The following ITGAM variants were observed in gnomAD, a reference collection of about 807,000 sequenced individuals.
The protein encoded by ITGAM is integrin subunit alpha M.
In ITGAM, 79 loss-of-function variants were observed where a neutral mutation model predicts 137.5. The observed-to-expected ratio is 0.57, with a 90% CI of 0.48 to 0.69. ITGAM has a LOEUF of 0.69. Among genes scored for constraint, ITGAM ranks in the 30% least tolerant of loss-of-function variants. The pLI is 0.00. For synonymous variants in ITGAM, 583 were observed against 592.3 expected (o/e 0.98, Z 0.23); for missense variants, 1,343 against 1,483.5 (o/e 0.91, Z 1.56).
chr16:31,326,533 C>G (rs1176814261), intron 21 of ITGAM, among the ~76,000 whole-genome samples: 1 of 152,164 alleles, frequency 6.6e-6, no homozygotes, highest in Non-Finnish European at 1.5e-5. Context: ...TCTTGTGCCT[C>G]ACTCTCCCAA....
At chr16:31,291,890 A>G (rs2043718803) in intron 12 of ITGAM, among the ~76,000 whole-genome samples, 1 of 152,106 alleles carries the variant, frequency 6.6e-6, no homozygotes, top group African/African-American at 2.4e-5. Flanking sequence ...TAGGGTGACT[A>G]TAGTTAACAA....
intron 12 of ITGAM, among the ~76,000 whole-genome samples, chr16:31,296,333 G>A (rs1178635657): frequency 6.7e-6 from 1 of 150,180 alleles, no homozygotes; most frequent in Non-Finnish European, 1.5e-5. Flanking sequence ...GGTTGGTCTC[G>A]AACTCCTGAC....
Position 31,260,068 on chromosome 16 carries a change from G to T in ITGAM, c.4G>T (p.Ala2Ser). Residue 2 changes from alanine to serine, a missense_variant, in exon 1 of 30, where the codon GCT becomes TCT. Transcript: ENST00000544665. M[A>S]LRVLLLTALT... Reference sequence around the variant, plus strand: ...CAGGTTCTGGCTCCTTCCAGCCATGGCTCTCAGAGTCCTTCTGTTAACAGG... The same window carrying T: ...CAGGTTCTGGCTCCTTCCAGCCATGTCTCTCAGAGTCCTTCTGTTAACAGG... 6.4e-7 allele frequency: 1 copy of T among 1,551,864 alleles called. No homozygotes were observed. The highest frequency in any genetic ancestry group is 2.4e-5 in the East Asian group (1 of 41,682).
intron 12 of ITGAM, among the ~76,000 whole-genome samples, chr16:31,280,720 G>A (rs1332968906): frequency 6.6e-6 from 1 of 152,064 alleles, no homozygotes; most frequent in Non-Finnish European, 1.5e-5. Context: ...TCTTTCTCCT[G>A]CCTGATTGCC....
Position 31,324,952 on chromosome 16 carries a change from TAA to T in ITGAM, c.2290-3_2290-2del. The T allele has an allele frequency of 6.2e-7, 1 of 1,607,218 alleles. No individual in the cohort carries two copies. The highest frequency in any genetic ancestry group is 8.5e-7 in the Non-Finnish European group (1 of 1,176,646). ...CTTTCATTTGATCATATTTATTTTTTAAAAGTTTCCCTTTGAGAAGAATTGTG... is the reference window on the plus strand; with the variant it reads ...CTTTCATTTGATCATATTTATTTTTTAAGTTTCCCTTTGAGAAGAATTGTG... On this transcript the variant is annotated splice_polypyrimidine_tract_variant and splice_region_variant and intron_variant, in intron 18 of 29. Coordinates refer to ENST00000544665, the MANE Select transcript of ITGAM (RefSeq NM_000632.4). This position sits in a 1 kb window ranked among gnomAD's most constrained non-coding sequence, Gnocchi z 4.5.
intron 7 of ITGAM, 38 bp downstream of exon 7, chr16:31,272,030 G>GAGA (rs1305221710): frequency 9.3e-6 from 15 of 1,613,268 alleles, no homozygotes; most frequent in African/African-American, 1.3e-5. Context: ...GAGGGAGGAG[G>GAGA]AGACACTTTT....
chr16:31,290,511 C>T (rs1321288379), intron 12 of ITGAM, among the ~76,000 whole-genome samples: 3 of 152,076 alleles, frequency 2.0e-5, no homozygotes, highest in Non-Finnish European at 4.4e-5. Context: ...ATATAGAACT[C>T]TAATTTGACA....
Position 31,319,898 on chromosome 16 carries a change from C to T in ITGAM, c.1708-1343C>T, listed in dbSNP as rs372632400. On this transcript the variant is annotated intron_variant, in intron 14 of 29. Coordinates refer to ENST00000544665, the MANE Select transcript of ITGAM (RefSeq NM_000632.4). Reference sequence around the variant, plus strand: ...TGCGATCTCGGCTCACTGCAAGCTCCGCCTCCCGGGTTCAGGCCATTCTTC... The same window carrying T: ...TGCGATCTCGGCTCACTGCAAGCTCTGCCTCCCGGGTTCAGGCCATTCTTC... Among the ~76,000 whole-genome samples, 89 of 151,986 alleles carry T rather than the reference C, an allele frequency of 5.9e-4. 1 individual carries two copies. The South Asian group carries it at 0.015, about 25-fold the overall frequency.
intron 12 of ITGAM, among the ~76,000 whole-genome samples, chr16:31,280,217 T>C (rs1047543709): frequency 1.3e-5 from 2 of 152,184 alleles, no homozygotes; most frequent in African/African-American, 2.4e-5. Flanking sequence ...CTTGGCAATG[T>C]GGGCTCTTTT....
intron 5 of ITGAM, among the ~76,000 whole-genome samples, chr16:31,269,826 A>G (rs2359661): frequency 0.49 from 73,892 of 151,948 alleles, 18,729 homozygotes; most frequent in East Asian, 0.7. Context: ...CTGTCCCCAA[A>G]CAACCTCAAT....
At chr16:31,322,440 C>T (rs182119069) in intron 16 of ITGAM, among the ~76,000 whole-genome samples, 1 of 152,264 alleles carries the variant, frequency 6.6e-6, no homozygotes, top group Non-Finnish European at 1.5e-5. Context: ...ACATAGAAGT[C>T]CCCCTCTACT....
rs199508009 is a variant in ITGAM, at chr16:31,275,579, C to T, written c.889C>T (p.Arg297Cys). 70 of 1,613,814 alleles carry T rather than the reference C, an allele frequency of 4.3e-5. No homozygotes were observed. The highest frequency in any genetic ancestry group is 8.0e-5 in the African/African-American group (6 of 74,918). ...VGDAFRSEKSRQELNTIASKP... is the reference protein window; with the variant it reads ...VGDAFRSEKSCQELNTIASKP... ...AGATGCCTTCCGCAGTGAGAAATCC[C>T]GCCAAGAGCTTAATACCATCGCATC... The change falls in exon 9 of 30, where the codon CGC (arginine) becomes TGC (cysteine). Residue 297 changes from arginine (R) to cysteine (C), a missense_variant. Coordinates refer to ENST00000544665, the MANE Select transcript of ITGAM (RefSeq NM_000632.4).
chr16:31,330,107 G>C lies in ITGAM; in HGVS notation c.3003G>C (p.Lys1001Asn). 1.2e-6 allele frequency: 2 copies of C among 1,613,852 alleles called. No homozygotes were observed. The highest frequency in any genetic ancestry group is 1.7e-6 in the Non-Finnish European group (2 of 1,179,834). ...ACCTCTCGAGTACGTGCCACACCAA[G>C]GAGCGCTTGCCCTCTCACTCCGACT... ...SENLSSTCHTKERLPSHSDFL... is the reference protein window; with the variant it reads ...SENLSSTCHTNERLPSHSDFL... Residue 1001 changes from lysine to asparagine, a missense_variant, in exon 26 of 30, where the codon AAG becomes AAC. By Grantham distance (94) the Lys-to-Asn change is moderately conservative. Transcript: ENST00000544665.
intron 14 of ITGAM, among the ~76,000 whole-genome samples, chr16:31,300,044 A>G (rs1242783353): frequency 6.6e-6 from 1 of 151,968 alleles, no homozygotes; most frequent in Non-Finnish European, 1.5e-5. Flanking sequence ...TATTTTTTGT[A>G]GAGATGGGGT....
chr16:31,271,923 G>T lies in ITGAM; in HGVS notation c.635G>T (p.Arg212Ile). Reference sequence around the variant, plus strand: ...GAGTTCCAGAACAACCCTAACCCAAGATCACTGGTGAAGCCAATAACGCAG... The same window carrying T: ...GAGTTCCAGAACAACCCTAACCCAATATCACTGGTGAAGCCAATAACGCAG... The part of the protein sequence containing the change: ...FKEFQNNPNP[R>I]SLVKPITQLL... The change falls in exon 7 of 30, where the codon AGA becomes ATA. Residue 212 changes from arginine (R) to isoleucine (I), a missense_variant. Arg to Ile is a moderately conservative substitution (Grantham distance 97). Coordinates refer to ENST00000544665, the MANE Select transcript of ITGAM (RefSeq NM_000632.4). The T allele has an allele frequency of 6.2e-7, 1 of 1,614,010 alleles. No homozygotes were observed. The highest frequency in any genetic ancestry group is 1.3e-5 in the African/African-American group (1 of 75,048).
chr16:31,283,728 C>T (rs920091599), intron 12 of ITGAM, among the ~76,000 whole-genome samples: 1 of 152,344 alleles, frequency 6.6e-6, no homozygotes, highest in South Asian at 2.1e-4. Context: ...CCTCTCAACT[C>T]GTTAAAGTCA....
At chr16:31,285,651 T>A (rs1405072072) in intron 12 of ITGAM, among the ~76,000 whole-genome samples, 5 of 151,984 alleles carry the variant, frequency 3.3e-5, no homozygotes, top group African/African-American at 9.6e-5. Context: ...AAAAAAAAAA[T>A]TTCAAGTTTT....
intron 5 of ITGAM, among the ~76,000 whole-genome samples, chr16:31,268,021 C>T (rs1464205418): frequency 6.6e-6 from 1 of 152,114 alleles, no homozygotes; most frequent in African/African-American, 2.4e-5. Flanking sequence ...ACTCTTCATT[C>T]TATCTGTATC....
intron 21 of ITGAM, among the ~76,000 whole-genome samples, chr16:31,326,621 T>C (rs1048133627): frequency 1.3e-5 from 2 of 152,162 alleles, no homozygotes; most frequent in African/African-American, 4.8e-5. Context: ...TTTGCCATGT[T>C]GGCCAGGCTG....
Sources: gnomAD v4.1 joint callset for allele counts (sites outside exome capture counted in the v4.1 genomes callset) on GRCh38, gnomAD v4.1.1 for gene constraint, Gnocchi (gnomAD v3.1) non-coding constraint, MANE v1.5 for transcripts, NCBI Gene and HGNC (gene_info 2026-07-23, HGNC 2026-07-21) for gene names.